The following RBM47 variants were observed in gnomAD, a reference collection of about 807,000 sequenced individuals.
RBM47 encodes the protein RNA-binding protein 47.
In RBM47, 21 loss-of-function variants were observed where a neutral mutation model predicts 47.1. That is an observed-to-expected ratio of 0.45 (90% CI 0.32 to 0.64). RBM47 has a LOEUF of 0.64. Ranked by LOEUF, RBM47 falls within the 30% of genes least tolerant of loss-of-function variation. The pLI, the probability that RBM47 is intolerant of heterozygous loss-of-function variation, is 0.05. For missense variants in RBM47, 708 were observed against 870.9 expected (o/e 0.81, Z 2.35); for synonymous variants, 375 against 361.7 (o/e 1.04, Z -0.42).
intron 1 of RBM47, among the ~76,000 whole-genome samples, chr4:40,578,289 G>GT (rs773597782): frequency 6.6e-6 from 1 of 150,480 alleles, no homozygotes; most frequent in African/African-American, 2.5e-5. Context: ...TACAAAAAAA[G>GT]TATCTTTGAA....
At chr4:40,556,489 A>G (rs996124637) in intron 1 of RBM47, among the ~76,000 whole-genome samples, 3 of 152,078 alleles carry the variant, frequency 2.0e-5, no homozygotes, top group Non-Finnish European at 4.4e-5. Context: ...ATTGGGTGAC[A>G]AAGTGAGACT....
At position 40,438,093 on chromosome 4, in the gene RBM47, G is replaced by C; in HGVS notation, c.801C>G (p.Gly267=). Residue 267 remains glycine (G), a synonymous_variant, in exon 4 of 7, where the codon GGC becomes GGG. Coordinates refer to ENST00000295971, the MANE Select transcript of RBM47 (RefSeq NM_001098634.2). ...TTEDTIKKSF[G]QFNPGCVERV... ...GCTCCACGCAGCCGGGGTTGAACTG[G>C]CCGAAGCTCTTCTTGATGGTGTCCT... is the stretch of plus-strand genomic sequence containing the variant. The C allele has an allele frequency of 6.2e-7, 1 of 1,613,834 alleles. No individual in the cohort carries two copies. Among genetic ancestry groups the C allele is most frequent in the South Asian group, 1.1e-5 (1 of 91,088 alleles).
At chr4:40,474,049 CAGTT>C (rs919826734) in intron 2 of RBM47, among the ~76,000 whole-genome samples, 1 of 152,134 alleles carries the variant, frequency 6.6e-6, no homozygotes, top group Non-Finnish European at 1.5e-5. Flanking sequence ...CCTAAGGCAC[CAGTT>C]AGTTACTCAT....
chr4:40,626,682 G>A (rs527647136), intron 1 of RBM47, among the ~76,000 whole-genome samples: 4 of 152,122 alleles, frequency 2.6e-5, no homozygotes, highest in Admixed American at 6.6e-5. Flanking sequence ...TCAAGGGGAC[G>A]AGATCGCCCT....
intron 1 of RBM47, among the ~76,000 whole-genome samples, chr4:40,618,638 G>A (rs35705999): frequency 0.018 from 2,660 of 150,608 alleles, 96 homozygotes; most frequent in African/African-American, 0.062. Flanking sequence ...GTGAAACCCC[G>A]TCTCTACTAA....
intron 2 of RBM47, among the ~76,000 whole-genome samples, chr4:40,495,399 G>A (rs1722433183): frequency 1.3e-5 from 2 of 151,996 alleles, no homozygotes; most frequent in Admixed American, 1.3e-4. Context: ...GCCAGGAGTT[G>A]GAGAACAGCT....
intron 2 of RBM47, among the ~76,000 whole-genome samples, chr4:40,480,954 G>A (rs1720302889): frequency 6.6e-6 from 1 of 152,018 alleles, no homozygotes; most frequent in Non-Finnish European, 1.5e-5. Context: ...CTTGTGCTAA[G>A]GAAAAGCCAG....
At chr4:40,513,282 T>C (rs2154254110) in intron 2 of RBM47, among the ~76,000 whole-genome samples, 1 of 152,372 alleles carries the variant, frequency 6.6e-6, no homozygotes, top group South Asian at 2.1e-4. Context: ...ATCATGTTCT[T>C]TCATAATTGG....
chr4:40,581,450 AAAT>A (rs1553904692), intron 1 of RBM47, among the ~76,000 whole-genome samples: 1 of 149,154 alleles, frequency 6.7e-6, no homozygotes, highest in African/African-American at 2.5e-5. Context: ...ATAAATAAAT[AAAT>A]AAATAAATAA....
rs144738533 is a variant in RBM47, at chr4:40,519,059, G to C, written c.-155+25363C>G. 6.5e-3 allele frequency among the ~76,000 whole-genome samples: 981 copies of C among 151,858 alleles called. 14 individuals carry two copies. Among genetic ancestry groups the C allele is most frequent in the African/African-American group, 0.023 (946 of 41,390 alleles). On this transcript the variant is annotated intron_variant, in intron 2 of 6. Coordinates refer to ENST00000295971, the MANE Select transcript of RBM47 (RefSeq NM_001098634.2). The stretch of plus-strand genomic sequence containing the variant: ...AAAAAAAAATATAAAAAATGATCCA[G>C]GCATGGTGGCATGCGCCTGTGGTCC...
intron 3 of RBM47, among the ~76,000 whole-genome samples, chr4:40,446,257 C>T (rs959174485): frequency 4.6e-5 from 7 of 152,174 alleles, no homozygotes; most frequent in Non-Finnish European, 1.0e-4. Context: ...CTCCACCCTA[C>T]AGATAGGGAA....
At chr4:40,441,859 A>G (rs1713704776) in intron 3 of RBM47, among the ~76,000 whole-genome samples, 2 of 152,232 alleles carry the variant, frequency 1.3e-5, no homozygotes, top group Admixed American at 1.3e-4. Flanking sequence ...TAAAATAGCG[A>G]TAGCTTATTT....
chr4:40,442,891 C>T (rs866716235), intron 3 of RBM47, among the ~76,000 whole-genome samples: 22 of 152,230 alleles, frequency 1.4e-4, no homozygotes, highest in African/African-American at 5.1e-4. Context: ...CCAGGCTGGT[C>T]TTGAACTCCT....
chr4:40,498,452 G>A (rs1377633554), intron 2 of RBM47, among the ~76,000 whole-genome samples: 1 of 151,962 alleles, frequency 6.6e-6, no homozygotes, highest in Admixed American at 6.6e-5. Flanking sequence ...ATCCCTGCGG[G>A]GGGATCACCT....
At position 40,485,013 on chromosome 4, in the gene RBM47, T is replaced by G. The variant is rs961811657; in HGVS notation, c.-154-18314A>C. 5.8e-5 allele frequency among the ~76,000 whole-genome samples: 8 copies of G among 138,616 alleles called. No homozygotes were observed. In the South Asian group the frequency reaches 8.6e-4, roughly 15 times the overall value. The allele number at this position is 138,616 out of a possible 152,430, so 90.9% of individuals were successfully genotyped here. On this transcript the variant is annotated intron_variant, in intron 2 of 6. Coordinates refer to ENST00000295971, the MANE Select transcript of RBM47 (RefSeq NM_001098634.2). ...TGTCTCTTTTTTTTTGTTTGTTTTC[T>G]TTTTCTTTTTTGTTTTTGTTAAGAC...
chr4:40,453,419 C>T (rs1056816663), intron 3 of RBM47, among the ~76,000 whole-genome samples: 2 of 152,156 alleles, frequency 1.3e-5, no homozygotes, highest in Admixed American at 6.6e-5. Context: ...AAAATCTGCA[C>T]ATTTCTTGTT....
chr4:40,627,439 C>G (rs1358244605), intron 1 of RBM47, among the ~76,000 whole-genome samples: 1 of 152,132 alleles, frequency 6.6e-6, no homozygotes, highest in African/African-American at 2.4e-5. Context: ...ATATCCACTC[C>G]CCTGACCTTT....
Position 40,628,594 on chromosome 4 carries a change from T to C in RBM47, c.-240+802A>G, listed in dbSNP as rs1737948788. On this transcript the variant is annotated intron_variant, in intron 1 of 6. Transcript: ENST00000295971. This position sits in a 1 kb window ranked among gnomAD's most constrained non-coding sequence, Gnocchi z 4.0. ...TTCGTATGACCTTGCCTTAAAACTT[T>C]TAAAGAATACATTTTAAAATCTATA... 6.6e-6 allele frequency among the ~76,000 whole-genome samples: 1 copy of C among 152,230 alleles called. No homozygotes were observed. The highest frequency in any genetic ancestry group is 6.5e-5 in the Admixed American group (1 of 15,268).
At chr4:40,528,950 AAATAAAT>A (rs1468387736) in intron 2 of RBM47, among the ~76,000 whole-genome samples, 37 of 45,348 alleles carry the variant, frequency 8.2e-4, no homozygotes, top group African/African-American at 5.5e-3. Context: ...CTCAAAAAAA[AAATAAAT>A]AAATAAATAA....
Sources: allele counts gnomAD v4.1 joint callset (sites outside exome capture counted in the v4.1 genomes callset), GRCh38; gene constraint gnomAD v4.1.1; non-coding constraint Gnocchi (gnomAD v3.1); transcripts MANE v1.5; gene names NCBI Gene and HGNC (gene_info 2026-07-23, HGNC 2026-07-21).